The following INSL6 variants were observed in gnomAD, a reference collection of about 807,000 sequenced individuals.
The protein encoded by INSL6 is insulin like 6.
In INSL6, 16 loss-of-function variants were observed where a neutral mutation model predicts 9.4. The observed-to-expected ratio is 1.70, with a 90% CI of 1.15 to 2.59. INSL6 has a LOEUF of 2.59. Among genes scored for constraint, INSL6 ranks in the 30% most tolerant of loss-of-function variants. INSL6 has a pLI of 0.00. For synonymous variants in INSL6, 154 were observed against 96.9 expected (o/e 1.59, Z -3.46); for missense variants, 391 against 257.3 (o/e 1.52, Z -3.56).
chr9:5,109,322 T>A, the INSL6 span: 5 of 152,168 alleles, frequency 3.3e-5, no homozygotes, highest in African/African-American at 1.2e-4. Context: ...AAACATTAAA[T>A]TGTGGATCTA....
At chr9:5,161,074 A>G (rs1402850709), downstream of INSL6, among the ~76,000 whole-genome samples, 3 of 152,152 alleles carry the variant, frequency 2.0e-5, no homozygotes, top group African/African-American at 7.2e-5. Context: ...AATACTTCCA[A>G]ACTCATTCTA....
At chr9:5,111,016 C>T in the INSL6 span, 180 of 772,664 alleles carry the variant, frequency 2.3e-4, no homozygotes, top group African/African-American at 2.6e-3. Flanking sequence ...CGGGAAGGGC[C>T]GGCCCGCCTC....
At chr9:5,067,302 G>A in the INSL6 span, among the ~76,000 whole-genome samples, 10 of 151,964 alleles carry the variant, frequency 6.6e-5, no homozygotes, top group Admixed American at 3.3e-4. Flanking sequence ...ATGTTTCAAC[G>A]GTAAAACTGC....
the INSL6 span, chr9:5,029,774 C>T: frequency 6.2e-7 from 1 of 1,600,402 alleles, no homozygotes. Flanking sequence ...TTCTCTGCTT[C>T]TTTTCTAGGT....
At chr9:5,111,341 G>C in the INSL6 span, 1 of 423,362 alleles carries the variant, frequency 2.4e-6, no homozygotes, top group Non-Finnish European at 4.6e-6. Flanking sequence ...CAGGCATGAA[G>C]GGGACCTCCC....
chr9:5,121,087 T>C (rs935483928), downstream of INSL6, among the ~76,000 whole-genome samples: 2 of 152,164 alleles, frequency 1.3e-5, no homozygotes, highest in Non-Finnish European at 2.9e-5. Flanking sequence ...CTGGGAAACC[T>C]TCAATTTAGA....
the INSL6 span, chr9:5,086,240 C>G: frequency 1.7e-6 from 1 of 585,354 alleles, no homozygotes; most frequent in Non-Finnish European, 2.2e-6. Flanking sequence ...CTGAAAGTCG[C>G]GGTAGGATGG....
chr9:5,112,620 T>C, the INSL6 span: 3 of 952,556 alleles, frequency 3.1e-6, no homozygotes, highest in Non-Finnish European at 4.6e-6. Flanking sequence ...ATGTGGCAAC[T>C]GCACCTCAAC....
chr9:5,000,882 T>C, the INSL6 span, among the ~76,000 whole-genome samples: 5 of 152,206 alleles, frequency 3.3e-5, no homozygotes, highest in Admixed American at 3.3e-4. Context: ...ATATGAAAAG[T>C]TGCCCTCACT....
At chr9:5,126,673 C>T (rs1045712453) in intron 3 of INSL6, 1 of 1,580,138 alleles carries the variant, frequency 6.3e-7, no homozygotes, top group Non-Finnish European at 8.6e-7. Flanking sequence ...GGTTTATTTT[C>T]TCCTTTACAG....
At chr9:5,146,750 G>A (rs1475687881) in intron 2 of INSL6, among the ~76,000 whole-genome samples, 1 of 152,198 alleles carries the variant, frequency 6.6e-6, no homozygotes, top group African/African-American at 2.4e-5. Context: ...TGCCAGCAAA[G>A]CAATGTAGGC....
chr9:4,995,369 C>T, the INSL6 span, among the ~76,000 whole-genome samples: 4 of 152,120 alleles, frequency 2.6e-5, no homozygotes, highest in Non-Finnish European at 5.9e-5. Flanking sequence ...TAGGTAGGTT[C>T]CTTCTAACCC....
the INSL6 span, among the ~76,000 whole-genome samples, chr9:5,033,352 G>A: frequency 1.3e-4 from 20 of 152,236 alleles, no homozygotes; most frequent in East Asian, 3.3e-3. Context: ...CTAATCTAGC[G>A]AGGCAGGCAA....
the INSL6 span, among the ~76,000 whole-genome samples, chr9:5,019,927 C>T: frequency 6.6e-6 from 1 of 152,160 alleles, no homozygotes; most frequent in Admixed American, 6.5e-5. Flanking sequence ...GTTGTGGCAG[C>T]AGTTGGACAA....
the INSL6 span, among the ~76,000 whole-genome samples, chr9:5,032,798 A>T: frequency 6.6e-6 from 1 of 152,230 alleles, no homozygotes; most frequent in African/African-American, 2.4e-5. Context: ...GATGGGGAAA[A>T]AACAGAGCAG....
the INSL6 span, chr9:5,069,861 T>C: frequency 1.8e-6 from 2 of 1,105,860 alleles, no homozygotes; most frequent in East Asian, 2.7e-5. Context: ...ATTTTACTCC[T>C]CTTTGGAGCA....
At chr9:5,167,262 G>A (rs1405285197) in intron 1 of INSL6, among the ~76,000 whole-genome samples, 2 of 152,222 alleles carry the variant, frequency 1.3e-5, no homozygotes, top group East Asian at 1.9e-4. Flanking sequence ...GGGATCAGGA[G>A]GTCCCCTCAT....
At chr9:5,154,077 A>G (rs550157213) in intron 2 of INSL6, among the ~76,000 whole-genome samples, 55 of 152,346 alleles carry the variant, frequency 3.6e-4, no homozygotes, top group African/African-American at 1.3e-3. Flanking sequence ...AAACTATACT[A>G]CAAAGCTACA....
chr9:5,160,047 G>T (rs1433636429), downstream of INSL6, among the ~76,000 whole-genome samples: 1 of 151,928 alleles, frequency 6.6e-6, no homozygotes, highest in Non-Finnish European at 1.5e-5. Context: ...GTGGTTGTGG[G>T]TGCCTGTAAT....
Sources: allele counts gnomAD v4.1 joint callset (sites outside exome capture counted in the v4.1 genomes callset), GRCh38; gene constraint gnomAD v4.1.1; transcripts MANE v1.5; gene names NCBI Gene and HGNC (gene_info 2026-07-23, HGNC 2026-07-21).